Variants in EFNA5 observed in about 807,000 individuals in gnomAD.
EFNA5 encodes the protein ephrin A5.
EFNA5 carries 5 observed loss-of-function variants against 22.9 expected under a neutral mutation model. The observed-to-expected ratio is 0.22, with a 90% CI of 0.11 to 0.46. EFNA5 has a LOEUF of 0.46. Among genes scored for constraint, EFNA5 ranks in the 20% least tolerant of loss-of-function variants. The probability of loss-of-function intolerance (pLI) is 0.99; values close to 1 mark genes in which losing one functional copy is unlikely to be tolerated. For missense variants in EFNA5, 237 were observed against 293.3 expected, an observed-to-expected ratio of 0.81 and a Z score of 1.40; for synonymous variants, 113 against 112.2, an observed-to-expected ratio of 1.01 and a Z score of -0.04.
chr5:107,641,021 T>TAGATAGATAGATAGATAGAC (rs796272956), intron 1 of EFNA5, among the ~76,000 whole-genome samples: 68 of 112,022 alleles, frequency 6.1e-4, no homozygotes, highest in South Asian at 1.7e-3. Flanking sequence ...GATAGATAGA[T>TAGATAGATAGATAGATAGAC]AGACAGACAG....
chr5:107,589,592 GT>G (rs749697151), intron 1 of EFNA5, among the ~76,000 whole-genome samples: 8 of 152,206 alleles, frequency 5.3e-5, no homozygotes, highest in Non-Finnish European at 1.2e-4. Context: ...TACAATGCTA[GT>G]GAATGAAGCA....
At chr5:107,491,114 G>A (rs1041509191) in intron 1 of EFNA5, among the ~76,000 whole-genome samples, 1 of 152,170 alleles carries the variant, frequency 6.6e-6, no homozygotes, top group Non-Finnish European at 1.5e-5. Context: ...GTAATAAAAT[G>A]TTCAGAGACT....
chr5:107,578,862 G>A (rs536701472), intron 1 of EFNA5, among the ~76,000 whole-genome samples: 6 of 152,282 alleles, frequency 3.9e-5, no homozygotes, highest in South Asian at 4.1e-4. Flanking sequence ...CGCTGGACAT[G>A]GTAGGCCCAG....
At chr5:107,484,801 T>TA (rs2112405160) in intron 1 of EFNA5, among the ~76,000 whole-genome samples, 1 of 73,386 alleles carries the variant, frequency 1.4e-5, no homozygotes, top group South Asian at 7.4e-4. Flanking sequence ...TGATTTTGTA[T>TA]TTTTTTTTTT....
chr5:107,416,971 A>C (rs1010001085), intron 2 of EFNA5, among the ~76,000 whole-genome samples: 2 of 151,964 alleles, frequency 1.3e-5, no homozygotes, highest in Non-Finnish European at 2.9e-5. Context: ...GTAACAATTT[A>C]CTGGAGGAGA....
intron 1 of EFNA5, among the ~76,000 whole-genome samples, chr5:107,471,257 G>A (rs891354373): frequency 6.6e-6 from 1 of 152,052 alleles, no homozygotes; most frequent in Non-Finnish European, 1.5e-5. Context: ...CTCACCTGCT[G>A]TGCAAACTCC....
Position 107,456,041 on chromosome 5 carries a change from T to A in EFNA5, c.126-28532A>T, listed in dbSNP as rs556796918. Reference sequence around the variant, plus strand: ...TTAGCTTTGACAGACATTAATACAATGTTAAAGATATTAATTGTCTCTTAA... The same window carrying A: ...TTAGCTTTGACAGACATTAATACAAAGTTAAAGATATTAATTGTCTCTTAA... On this transcript the variant is annotated intron_variant, in intron 1 of 4. Transcript: ENST00000333274. 2.6e-5 allele frequency among the ~76,000 whole-genome samples: 4 copies of A among 152,256 alleles called. No individual in the cohort carries two copies. The South Asian group carries it at 8.3e-4, about 32-fold the overall frequency.
intron 2 of EFNA5, among the ~76,000 whole-genome samples, chr5:107,396,931 G>C (rs1229624321): frequency 6.6e-6 from 1 of 152,124 alleles, no homozygotes; most frequent in African/African-American, 2.4e-5. Flanking sequence ...AACTAGGCTG[G>C]GTGTTGAGAC....
chr5:107,389,114 G>A (rs1747717444), intron 2 of EFNA5, among the ~76,000 whole-genome samples: 1 of 152,184 alleles, frequency 6.6e-6, no homozygotes. Flanking sequence ...AAACAAAAGT[G>A]TAGAGAAAAA....
At chr5:107,516,149 TG>T (rs2112438999) in intron 1 of EFNA5, among the ~76,000 whole-genome samples, 1 of 149,908 alleles carries the variant, frequency 6.7e-6, no homozygotes, top group Non-Finnish European at 1.5e-5. Context: ...GGACCAAAAA[TG>T]GGCACCACAA....
chr5:107,456,996 T>C (rs1399647080), intron 1 of EFNA5, among the ~76,000 whole-genome samples: 1 of 151,784 alleles, frequency 6.6e-6, no homozygotes, highest in Non-Finnish European at 1.5e-5. Context: ...TGGGGAGGAG[T>C]CTCTTCTTGC....
intron 1 of EFNA5, among the ~76,000 whole-genome samples, chr5:107,538,523 G>C (rs1358500784): frequency 6.6e-6 from 1 of 152,212 alleles, no homozygotes; most frequent in African/African-American, 2.4e-5. Flanking sequence ...GTACAGACAG[G>C]AAGTGGGATT....
At chr5:107,443,475 A>G (rs1455606513) in intron 1 of EFNA5, among the ~76,000 whole-genome samples, 2 of 152,188 alleles carry the variant, frequency 1.3e-5, no homozygotes, top group Non-Finnish European at 2.9e-5. Context: ...TTCCCCAAGC[A>G]TTTCTTGTGT....
intron 1 of EFNA5, among the ~76,000 whole-genome samples, chr5:107,569,050 T>C (rs1195934753): frequency 1.3e-5 from 2 of 152,142 alleles, no homozygotes; most frequent in Non-Finnish European, 2.9e-5. Context: ...AATAAACACA[T>C]GCCTGTAAGC....
At position 107,408,699 on chromosome 5, in the gene EFNA5, T is replaced by C. The variant is rs111444228; in HGVS notation, c.418+18518A>G. ...TATATTGGCACAGATCCCTTCATTC[T>C]AGAAAGCAAGACTTCTCCTGGTAAG... On this transcript the variant is annotated intron_variant, in intron 2 of 4. Transcript: ENST00000333274. 2.4e-3 allele frequency among the ~76,000 whole-genome samples: 366 copies of C among 152,332 alleles called. 3 individuals are homozygous for C. Among genetic ancestry groups the C allele is most frequent in the African/African-American group, 8.4e-3 (351 of 41,570 alleles).
intron 1 of EFNA5, among the ~76,000 whole-genome samples, chr5:107,556,001 A>G (rs917266189): frequency 6.6e-6 from 1 of 152,190 alleles, no homozygotes; most frequent in African/African-American, 2.4e-5. Flanking sequence ...TGCTGGACAC[A>G]TTCATGATTT....
chr5:107,568,171 A>G (rs1166057300), intron 1 of EFNA5, among the ~76,000 whole-genome samples: 1 of 152,218 alleles, frequency 6.6e-6, no homozygotes, highest in Non-Finnish European at 1.5e-5. Context: ...TGCTGAGATT[A>G]CAAGTGTGAG....
chr5:107,623,432 T>C (rs1750079670), intron 1 of EFNA5, among the ~76,000 whole-genome samples: 1 of 152,194 alleles, frequency 6.6e-6, no homozygotes, highest in Non-Finnish European at 1.5e-5. Context: ...TTTAAATAAA[T>C]CATGTGAAAT....
intron 1 of EFNA5, among the ~76,000 whole-genome samples, chr5:107,550,344 A>G (rs748051847): frequency 4.6e-5 from 7 of 152,220 alleles, no homozygotes; most frequent in Admixed American, 2.6e-4. Flanking sequence ...TGTCATTGAT[A>G]TAATCAATAA....
Sources: allele counts gnomAD v4.1 joint callset (sites outside exome capture counted in the v4.1 genomes callset), GRCh38; gene constraint gnomAD v4.1.1; transcripts MANE v1.5; gene names NCBI Gene and HGNC (gene_info 2026-07-23, HGNC 2026-07-21).